GRHL1: variants seen among roughly 807,000 people sequenced by gnomAD.
The protein encoded by GRHL1 is grainyhead-like protein 1 homolog.
In GRHL1, 38 loss-of-function variants were observed where a neutral mutation model predicts 75.7. That is an observed-to-expected ratio of 0.50 (90% CI 0.39 to 0.66). The LOEUF (loss-of-function observed/expected upper bound fraction) is 0.66. GRHL1 is among the 30% of genes least tolerant of loss of function. The probability of loss-of-function intolerance (pLI) is 0.00; values close to 1 mark genes in which losing one functional copy is unlikely to be tolerated. For missense variants in GRHL1, 589 were observed against 767.5 expected (o/e 0.77, Z 2.75); for synonymous variants, 266 against 279.4 (o/e 0.95, Z 0.48).
chr2:9,990,907 TC>T lies in GRHL1; in HGVS notation c.1321+161del, dbSNP rs1466344323. On this transcript the variant is annotated intron_variant, in intron 10 of 15. Coordinates refer to ENST00000324907, the MANE Select transcript of GRHL1 (RefSeq NM_198182.3). This position sits in a 1 kb window ranked among gnomAD's most constrained non-coding sequence, Gnocchi z 4.2. ...AGTGTGGCACTGCCTCTTCCTCAGA[TC>T]AGCAGCAGATGCCAGCTCAGCGGGA... 1.8e-6 allele frequency: 1 copy of T among 552,384 alleles called. No individual in the cohort carries two copies. The highest frequency in any genetic ancestry group is 3.3e-6 in the Non-Finnish European group (1 of 305,386). The allele number at this position is 552,384 out of a possible 1,614,324, so 34.2% of individuals were successfully genotyped here. A position where few individuals can be genotyped will look rare whatever the true frequency, so the allele number is the denominator to read the frequency against.
intron 8 of GRHL1, among the ~76,000 whole-genome samples, chr2:9,982,947 A>T (rs1668259870): frequency 6.6e-6 from 1 of 152,224 alleles, no homozygotes; most frequent in South Asian, 2.1e-4. Flanking sequence ...CCACGAACTC[A>T]CCCTGCCCTT....
In GRHL1 at chr2:9,987,904, A is replaced by T. The variant is rs1668492551; in HGVS notation, c.1269+1622A>T. ...GCAGGGGACGGGGGCAGTTCTTTTC[A>T]TCCTATTAAGGGAGCTTGTCTTTTA... On this transcript the variant is annotated intron_variant, in intron 9 of 15. Coordinates refer to ENST00000324907, the MANE Select transcript of GRHL1 (RefSeq NM_198182.3). This position sits in a 1 kb window ranked among gnomAD's most constrained non-coding sequence, Gnocchi z 4.2. Among the ~76,000 whole-genome samples, 1 of 152,156 alleles carries T rather than the reference A, an allele frequency of 6.6e-6. No individual in the cohort carries two copies. Among genetic ancestry groups the T allele is most frequent in the Non-Finnish European group, 1.5e-5 (1 of 68,028 alleles).
At chr2:9,986,561 T>C (rs1287374450) in intron 9 of GRHL1, among the ~76,000 whole-genome samples, 2 of 149,742 alleles carry the variant, frequency 1.3e-5, no homozygotes, top group East Asian at 3.9e-4. Flanking sequence ...GGATTACAGG[T>C]GCACACCACC....
At chr2:9,995,109 A>T (rs1461179476) in intron 12 of GRHL1, among the ~76,000 whole-genome samples, 1 of 152,192 alleles carries the variant, frequency 6.6e-6, no homozygotes, top group Non-Finnish European at 1.5e-5. Flanking sequence ...AATGATCAGG[A>T]CATTCACGGT....
chr2:9,984,332 G>C (rs1253080501), intron 8 of GRHL1, among the ~76,000 whole-genome samples: 1 of 151,860 alleles, frequency 6.6e-6, no homozygotes, highest in Non-Finnish European at 1.5e-5. Context: ...GGGGTTGAAG[G>C]GTCTGAAATG....
At chr2:9,989,425 C>T (rs1036295053) in intron 9 of GRHL1, among the ~76,000 whole-genome samples, 1 of 152,064 alleles carries the variant, frequency 6.6e-6, no homozygotes, top group African/African-American at 2.4e-5. Flanking sequence ...GATTTTGGGC[C>T]GTGTTTGTTA....
chr2:9,979,821 A>AG (rs1668117811), intron 8 of GRHL1, among the ~76,000 whole-genome samples: 1 of 152,196 alleles, frequency 6.6e-6, no homozygotes, highest in Non-Finnish European at 1.5e-5. Flanking sequence ...TTAGCTCCTA[A>AG]CTTCACCACT....
chr2:9,985,928 C>A (rs913708562), intron 8 of GRHL1, among the ~76,000 whole-genome samples, 196 bp from the exon 9 acceptor site: 2 of 152,304 alleles, frequency 1.3e-5, no homozygotes, highest in South Asian at 4.1e-4. Flanking sequence ...TTAAGGTCTG[C>A]TATTTCTATG....
At position 9,990,071 on chromosome 2, in the gene GRHL1, G is replaced by A. The variant is rs1191480293; in HGVS notation, c.1270-625G>A. ...TACTGGACAAAGGGAAAATACCCTT[G>A]TGTCTTTGCAGGCATGTGGTATACT... On this transcript the variant is annotated intron_variant, in intron 9 of 15. Coordinates refer to ENST00000324907, the MANE Select transcript of GRHL1 (RefSeq NM_198182.3). The surrounding 1 kb of genome is among the most constrained non-coding windows in gnomAD (Gnocchi z 4.2). Among the ~76,000 whole-genome samples the A allele has an allele frequency of 1.3e-5, 2 of 151,922 alleles. No individual in the cohort carries two copies. The highest frequency in any genetic ancestry group is 4.8e-5 in the African/African-American group (2 of 41,338).
Position 9,990,653 on chromosome 2 carries a change from G to T in GRHL1, c.1270-43G>T. ...GATAAGAGTTAAATATTTTAAAGAA[G>T]ATTGGAAAACAGAATCATATCTTGT... On this transcript the variant is annotated intron_variant, in intron 9 of 15. Transcript: ENST00000324907. This position sits in a 1 kb window ranked among gnomAD's most constrained non-coding sequence, Gnocchi z 4.2. 7.8e-7 allele frequency: 1 copy of T among 1,284,614 alleles called. No homozygotes were observed. Among genetic ancestry groups the T allele is most frequent in the Non-Finnish European group, 1.1e-6 (1 of 904,334 alleles). 79.6% of individuals were successfully genotyped at this position (1,284,614 alleles called of 1,614,324 possible). A position where few individuals can be genotyped will look rare whatever the true frequency, so the allele number is the denominator to read the frequency against.
At position 9,951,917 on chromosome 2, in the gene GRHL1, G is replaced by C. The variant is rs1666794749; in HGVS notation, c.20+64G>C. 4.3e-6 allele frequency: 5 copies of C among 1,164,640 alleles called. No homozygotes were observed. The highest frequency in any genetic ancestry group is 5.4e-6 in the Non-Finnish European group (5 of 917,620). The allele number at this position is 1,164,640 out of a possible 1,614,324, so 72.1% of individuals were successfully genotyped here. A position where few individuals can be genotyped will look rare whatever the true frequency, so the allele number is the denominator to read the frequency against. ...CGCGCTGAGGGGCCGCACCTGCAGC[G>C]AGCGAGCCGGGCGCAGACCCGAGGC... is the stretch of plus-strand genomic sequence containing the variant. On this transcript the variant is annotated intron_variant, in intron 1 of 15. Coordinates refer to ENST00000324907, the MANE Select transcript of GRHL1 (RefSeq NM_198182.3). The surrounding 1 kb of genome is among the most constrained non-coding windows in gnomAD (Gnocchi z 4.2).
intron 15 of GRHL1, 49 bp downstream of exon 15, chr2:9,999,078 C>T (rs778869700): frequency 1.6e-5 from 15 of 967,286 alleles, no homozygotes; most frequent in Admixed American, 4.2e-5. Context: ...TGATGCCCCC[C>T]GCAGTGCTAG....
Position 9,951,743 on chromosome 2 carries a change from A to AGCCGCC in GRHL1, c.-81_-76dup, listed in dbSNP as rs1482866201. The stretch of plus-strand genomic sequence containing the variant: ...GTCGGGGCCGCCGCTCCGGACCCGC[A>AGCCGCC]GCCGCCGCCGCCGCCTCCTCCCCCC... On this transcript the variant is annotated 5_prime_UTR_variant, in exon 1 of 16. Transcript: ENST00000324907. The surrounding 1 kb of genome is among the most constrained non-coding windows in gnomAD (Gnocchi z 4.2). 30 of 1,232,984 alleles carry AGCCGCC rather than the reference A, an allele frequency of 2.4e-5. No homozygotes were observed. Among genetic ancestry groups the AGCCGCC allele is most frequent in the Middle Eastern group, 2.0e-4 (1 of 5,008 alleles). The allele number at this position is 1,232,984 out of a possible 1,614,324, so 76.4% of individuals were successfully genotyped here. A position where few individuals can be genotyped will look rare whatever the true frequency, so the allele number is the denominator to read the frequency against.
At position 10,000,683 on chromosome 2, in the gene GRHL1, C is replaced by G; in HGVS notation, c.1833C>G (p.Tyr611Ter). Reference protein sequence around the residue: ...QLQIEEAGGSYKLTLTEI With the variant: ...QLQIEEAGGS The stretch of plus-strand genomic sequence containing the variant: ...AGATTGAAGAAGCCGGGGGGTCTTA[C>G]AAGCTCACCCTGACGGAGATCTAAA... Residue 611 changes from tyrosine (Y) to a stop codon, truncating the protein, a stop_gained, in exon 16 of 16, where the codon TAC (tyrosine) becomes TAG (stop). Transcript: ENST00000324907. LOFTEE classifies it high-confidence loss of function. The G allele has an allele frequency of 6.2e-7, 1 of 1,603,586 alleles. No individual in the cohort carries two copies. Among genetic ancestry groups the G allele is most frequent in the Non-Finnish European group, 8.5e-7 (1 of 1,170,574 alleles).
chr2:9,953,603 T>A (rs143343849), intron 1 of GRHL1, among the ~76,000 whole-genome samples: 102 of 152,356 alleles, frequency 6.7e-4, no homozygotes, highest in African/African-American at 2.3e-3. Context: ...GGCTTTCAAA[T>A]AACACTTCAT....
Position 10,001,619 on chromosome 2 carries a change from CCTT to C in GRHL1, c.*915_*917del, listed in dbSNP as rs1309411220. On this transcript the variant is annotated 3_prime_UTR_variant, in exon 16 of 16. Transcript: ENST00000324907. The stretch of plus-strand genomic sequence containing the variant: ...ACAGGCATTCTGTAGCATAGCAAAA[CCTT>C]CTCAAATGACAGAGATTCTGTTTGC... 6.6e-6 allele frequency: 1 copy of C among 152,212 alleles called. No homozygotes were observed. Among genetic ancestry groups the C allele is most frequent in the Non-Finnish European group, 1.5e-5 (1 of 68,036 alleles). The allele number at this position is 152,212 out of a possible 1,614,324, so 9.4% of individuals were successfully genotyped here.
chr2:9,955,568 G>A (rs1271156959), intron 2 of GRHL1, among the ~76,000 whole-genome samples: 1 of 152,170 alleles, frequency 6.6e-6, no homozygotes, highest in Non-Finnish European at 1.5e-5. Context: ...TTTGTTGCCT[G>A]TTTCTAGAGA....
At chr2:9,978,492 C>T (rs1008379596) in intron 8 of GRHL1, among the ~76,000 whole-genome samples, 2 of 152,178 alleles carry the variant, frequency 1.3e-5, no homozygotes, top group East Asian at 1.9e-4. Flanking sequence ...CGAGAATGGA[C>T]ATTTGGAGCT....
Position 9,978,733 on chromosome 2 carries a change from G to A in GRHL1, c.1111-7391G>A, listed in dbSNP as rs191306665. On this transcript the variant is annotated intron_variant, in intron 8 of 15. Transcript: ENST00000324907. ...CAGCCGGGCATGGTGGCTCATGCCT[G>A]TAATCCCAGCACTTTGGGAGGCCGA... is the stretch of plus-strand genomic sequence containing the variant. Among the ~76,000 whole-genome samples the A allele has an allele frequency of 1.8e-3, 271 of 152,290 alleles. 4 individuals carry two copies. Among genetic ancestry groups the A allele is most frequent in the Admixed American group, 2.3e-3 (35 of 15,304 alleles).
Sources: allele counts gnomAD v4.1 joint callset (sites outside exome capture counted in the v4.1 genomes callset), GRCh38; gene constraint gnomAD v4.1.1; non-coding constraint Gnocchi (gnomAD v3.1); transcripts MANE v1.5; gene names NCBI Gene and HGNC (gene_info 2026-07-23, HGNC 2026-07-21).